PCSK6: variants seen among roughly 807,000 people sequenced by gnomAD.
The protein encoded by PCSK6 is paired basic amino acid cleaving enzyme 4.
In PCSK6, 85 loss-of-function variants were observed where a neutral mutation model predicts 123.3. That is an observed-to-expected ratio of 0.69 (90% CI 0.58 to 0.83). PCSK6 has a LOEUF of 0.83. PCSK6 is among the 40% of genes least tolerant of loss of function. PCSK6 has a pLI of 0.00. For missense variants in PCSK6, 1,191 were observed against 1,282.3 expected, an observed-to-expected ratio of 0.93 and a Z score of 1.09; for synonymous variants, 508 against 516.0, an observed-to-expected ratio of 0.98 and a Z score of 0.21.
intron 13 of PCSK6, among the ~76,000 whole-genome samples, chr15:101,340,665 T>C (rs1220801977): frequency 6.6e-6 from 1 of 152,218 alleles, no homozygotes; most frequent in Non-Finnish European, 1.5e-5. Context: ...TGCTATGTCC[T>C]GGTTTCTTGA....
intron 1 of PCSK6, among the ~76,000 whole-genome samples, chr15:101,464,232 A>G (rs1008442573): frequency 1.3e-5 from 2 of 152,136 alleles, no homozygotes; most frequent in Non-Finnish European, 2.9e-5. Flanking sequence ...CTGGGCCCAT[A>G]AAACAAGGCA....
chr15:101,466,238 T>G (rs929961435), intron 1 of PCSK6, among the ~76,000 whole-genome samples: 1 of 152,060 alleles, frequency 6.6e-6, no homozygotes, highest in African/African-American at 2.4e-5. Flanking sequence ...GACGGTTCTC[T>G]AAAAAAGAGA....
chr15:101,480,297 C>A (rs970101741), intron 1 of PCSK6, among the ~76,000 whole-genome samples: 1 of 152,268 alleles, frequency 6.6e-6, no homozygotes, highest in East Asian at 1.9e-4. Flanking sequence ...CTCTTCCCAG[C>A]CCAATTCAGT....
In PCSK6 at chr15:101,332,788, C is replaced by T. The variant is rs557386715; in HGVS notation, c.1859-757G>A. ...TGGGGGCAGCTGGGGTCCCGCCCCA[C>T]CGACAGCTCCACAGGGAGCGATGGC... On this transcript the variant is annotated intron_variant, in intron 13 of 21. Transcript: ENST00000611716. 1.1e-4 allele frequency among the ~76,000 whole-genome samples: 16 copies of T among 152,360 alleles called. 1 individual carries two copies. In the South Asian group the frequency reaches 2.5e-3, roughly 24 times the overall value.
intron 20 of PCSK6, chr15:101,312,150 C>CCACCCCATCGTCACCCCTCACAGCT (rs1177747531): frequency 1.4e-5 from 1 of 71,764 alleles, no homozygotes; most frequent in Non-Finnish European, 2.6e-5. Flanking sequence ...CCCTCACAGC[C>CCACCCCATCGTCACCCCTCACAGCT]CACCCCATCG....
At chr15:101,408,989 G>A (rs1293876144) in intron 6 of PCSK6, among the ~76,000 whole-genome samples, 3 of 152,220 alleles carry the variant, frequency 2.0e-5, no homozygotes, top group South Asian at 4.1e-4. Flanking sequence ...CCAGAAACAG[G>A]GCAAACATGG....
chr15:101,373,563 TAG>T, intron 11 of PCSK6, among the ~76,000 whole-genome samples: 1 of 152,160 alleles, frequency 6.6e-6, no homozygotes, highest in Admixed American at 6.5e-5. Flanking sequence ...CATCCCCAAT[TAG>T]AGTGCTTTTA....
rs140327992 is a variant in PCSK6 at position 101,407,635 on chromosome 15, C to T, written c.824-9059G>A. 3.2e-3 allele frequency among the ~76,000 whole-genome samples: 493 copies of T among 152,290 alleles called. 2 individuals carry two copies. Among genetic ancestry groups the T allele is most frequent in the Non-Finnish European group, 5.3e-3 (359 of 68,018 alleles). On this transcript the variant is annotated intron_variant, in intron 6 of 21. Coordinates refer to ENST00000611716, the MANE Select transcript of PCSK6 (RefSeq NM_002570.5). ...CCCTGAGTCTGCTGAAATTATTCAG[C>T]CTAGCTGATTCTGAACTTGCCTTCT...
At chr15:101,395,190 G>T (rs1356795640) in intron 7 of PCSK6, among the ~76,000 whole-genome samples, 1 of 152,198 alleles carries the variant, frequency 6.6e-6, no homozygotes, top group African/African-American at 2.4e-5. Flanking sequence ...TTTGCAAGGT[G>T]GAGCATGCAA....
At chr15:101,445,331 A>C (rs544147730) in intron 1 of PCSK6, among the ~76,000 whole-genome samples, 1 of 152,064 alleles carries the variant, frequency 6.6e-6, no homozygotes, top group East Asian at 1.9e-4. Context: ...CAGTTTCCTT[A>C]TGAGACTAAT....
At chr15:101,386,329 G>C (rs945613766) in intron 9 of PCSK6, among the ~76,000 whole-genome samples, 2 of 152,176 alleles carry the variant, frequency 1.3e-5, no homozygotes, top group African/African-American at 4.8e-5. Flanking sequence ...CGTCTCTCCA[G>C]TGGCCCACTC....
chr15:101,308,831 T>G (rs1404657688), intron 20 of PCSK6: 1 of 152,290 alleles, frequency 6.6e-6, no homozygotes, highest in Non-Finnish European at 1.5e-5. Flanking sequence ...GACCCTCTGG[T>G]TTCTCTTACA....
intron 15 of PCSK6, among the ~76,000 whole-genome samples, chr15:101,327,407 G>A (rs2040281479): frequency 6.6e-6 from 1 of 152,176 alleles, no homozygotes; most frequent in Admixed American, 6.5e-5. Context: ...GTCGGCAGGA[G>A]TGACGCCTGA....
At chr15:101,486,268 C>T (rs2058019275) in intron 1 of PCSK6, among the ~76,000 whole-genome samples, 1 of 152,178 alleles carries the variant, frequency 6.6e-6, no homozygotes, top group East Asian at 1.9e-4. Flanking sequence ...ACTTTCTTTT[C>T]TCAGTCCTTC....
At chr15:101,364,150 AC>A in intron 13 of PCSK6, among the ~76,000 whole-genome samples, 1 of 152,302 alleles carries the variant, frequency 6.6e-6, no homozygotes, top group Middle Eastern at 3.4e-3. Context: ...CTGGAAAAGA[AC>A]CAGGGCAGGG....
chr15:101,313,280 TC>T (rs1295236138), intron 20 of PCSK6, 95 bp downstream of exon 20: 1 of 1,598,752 alleles, frequency 6.3e-7, no homozygotes, highest in Non-Finnish European at 8.5e-7. Flanking sequence ...CAACATGCCC[TC>T]CCCGGCCCCT....
At chr15:101,316,785 G>C (rs768604577) in intron 19 of PCSK6, among the ~76,000 whole-genome samples, 1 of 152,224 alleles carries the variant, frequency 6.6e-6, no homozygotes, top group Non-Finnish European at 1.5e-5. Context: ...GTCTATTCCA[G>C]GACATACGGC....
rs569259035 is a variant in PCSK6 at position 101,390,222 on chromosome 15, C to T, written c.1210-658G>A. On this transcript the variant is annotated intron_variant, in intron 8 of 21. Coordinates refer to ENST00000611716, the MANE Select transcript of PCSK6 (RefSeq NM_002570.5). ...CCTGCCCTCCTCGGAGGCACTGGCC[C>T]AGGCTGGGTGTGGGATGGATTCTGG... Among the ~76,000 whole-genome samples, 10 of 152,400 alleles carry T rather than the reference C, an allele frequency of 6.6e-5. No homozygotes were observed. The East Asian group carries it at 1.9e-3, about 29-fold the overall frequency.
intron 15 of PCSK6, among the ~76,000 whole-genome samples, chr15:101,330,296 C>T (rs924467683): frequency 6.6e-6 from 1 of 152,228 alleles, no homozygotes; most frequent in Non-Finnish European, 1.5e-5. Flanking sequence ...AGGCTTCCCT[C>T]GTCCCCCTCG....
Sources: gnomAD v4.1 joint callset for allele counts (sites outside exome capture counted in the v4.1 genomes callset) on GRCh38, gnomAD v4.1.1 for gene constraint, MANE v1.5 for transcripts, NCBI Gene and HGNC (gene_info 2026-07-23, HGNC 2026-07-21) for gene names.